LRRFIP1: variants seen among roughly 807,000 people sequenced by gnomAD.
The protein encoded by LRRFIP1 is LRR binding FLII interacting protein 1.
In LRRFIP1, 62 loss-of-function variants were observed where a neutral mutation model predicts 104.4. That is an observed-to-expected ratio of 0.59 (90% CI 0.48 to 0.73). LRRFIP1 has a LOEUF of 0.73. Among genes scored for constraint, LRRFIP1 ranks in the 30% least tolerant of loss-of-function variants. The pLI is 0.00. For missense variants in LRRFIP1, 796 were observed against 824.5 expected, an observed-to-expected ratio of 0.97 and a Z score of 0.42; for synonymous variants, 300 against 299.0, an observed-to-expected ratio of 1.00 and a Z score of -0.03.
intron 1 of LRRFIP1, among the ~76,000 whole-genome samples, chr2:237,645,277 G>T (rs1259232835): frequency 6.6e-6 from 1 of 152,154 alleles, no homozygotes; most frequent in African/African-American, 2.4e-5. Flanking sequence ...CAGGTTATTC[G>T]GTGCAACCAG....
At chr2:237,761,128 G>C (rs2059818034) in intron 19 of LRRFIP1, among the ~76,000 whole-genome samples, 1 of 152,178 alleles carries the variant, frequency 6.6e-6, no homozygotes, top group Non-Finnish European at 1.5e-5. Context: ...TTATGGAAAT[G>C]TAGACACCTC....
intron 1 of LRRFIP1, among the ~76,000 whole-genome samples, chr2:237,696,491 G>T (rs1559572219): frequency 6.6e-6 from 1 of 152,222 alleles, no homozygotes; most frequent in Non-Finnish European, 1.5e-5. Context: ...ACACTAAGTA[G>T]TGAAAGTAGC....
At chr2:237,718,918 TATAAG>T (rs1191456622) in intron 4 of LRRFIP1, among the ~76,000 whole-genome samples, 2 of 152,226 alleles carry the variant, frequency 1.3e-5, no homozygotes, top group Non-Finnish European at 2.9e-5. Context: ...GGCATGGTGA[TATAAG>T]AAAGAGAAAA....
Position 237,739,248 on chromosome 2 carries a change from G to A in LRRFIP1, c.572G>A (p.Gly191Asp). The change falls in exon 11 of 24, where the codon GGC becomes GAC. Residue 191 changes from glycine (G) to aspartate (D), a missense_variant. Transcript: ENST00000308482. ...TGTGGGCAGCCCTCGGAGTACAGCGGCCACCTCAACTCCAGCTCCCGCGCC... is the reference window on the plus strand; with the variant it reads ...TGTGGGCAGCCCTCGGAGTACAGCGACCACCTCAACTCCAGCTCCCGCGCC... ...SGSRAPSEYSGHLNSSSRASS... is the reference protein window; with the variant it reads ...SGSRAPSEYSDHLNSSSRASS... 6.4e-7 allele frequency: 1 copy of A among 1,564,080 alleles called. No homozygotes were observed. The highest frequency in any genetic ancestry group is 8.7e-7 in the Non-Finnish European group (1 of 1,154,532).
chr2:237,670,392 A>G (rs1270476577), intron 1 of LRRFIP1, among the ~76,000 whole-genome samples: 1 of 152,140 alleles, frequency 6.6e-6, no homozygotes, highest in East Asian at 1.9e-4. Flanking sequence ...TTTAAGATGG[A>G]GGGGAAAATG....
At chr2:237,752,259 A>G (rs1576258488) in intron 14 of LRRFIP1, among the ~76,000 whole-genome samples, 1 of 152,312 alleles carries the variant, frequency 6.6e-6, no homozygotes, top group Non-Finnish European at 1.5e-5. Context: ...TATAAAAATT[A>G]GCCAGGTGTG....
chr2:237,744,496 C>T (rs771615569), intron 11 of LRRFIP1, among the ~76,000 whole-genome samples: 2 of 152,124 alleles, frequency 1.3e-5, no homozygotes, highest in South Asian at 2.1e-4. Context: ...CACCAGGCAT[C>T]GTGTGTACAG....
rs377669704 is a variant in LRRFIP1, at chr2:237,659,642, TATAA to T, written c.96+31906_96+31909del. ...TGTATATTATATATTTTTATATACA[TATAA>T]ATATATATATTTTAGAGACAGAGTC... is the stretch of plus-strand genomic sequence containing the variant. On this transcript the variant is annotated intron_variant, in intron 1 of 23. Transcript: ENST00000308482. Among the ~76,000 whole-genome samples the T allele has an allele frequency of 3.4e-4, 51 of 148,594 alleles. 1 individual carries two copies. In the East Asian group the frequency reaches 7.0e-3, roughly 20 times the overall value.
At chr2:237,669,772 C>T (rs754863359) in intron 1 of LRRFIP1, among the ~76,000 whole-genome samples, 8 of 152,250 alleles carry the variant, frequency 5.3e-5, no homozygotes, top group Non-Finnish European at 1.0e-4. Context: ...GTAAAAATAA[C>T]GGTGTCATTA....
chr2:237,767,845 G>A (rs55771995), intron 19 of LRRFIP1, among the ~76,000 whole-genome samples: 61 of 152,312 alleles, frequency 4.0e-4, no homozygotes, highest in Non-Finnish European at 6.8e-4. Context: ...TGTTCTAAAC[G>A]TCTGGGCCCC....
chr2:237,760,857 A>G (rs1441182987), intron 19 of LRRFIP1, among the ~76,000 whole-genome samples: 1 of 152,194 alleles, frequency 6.6e-6, no homozygotes, highest in East Asian at 1.9e-4. Context: ...CTGAAAGAAT[A>G]TAAAACTGGG....
chr2:237,738,532 G>A (rs1465638097), intron 10 of LRRFIP1, among the ~76,000 whole-genome samples: 1 of 152,190 alleles, frequency 6.6e-6, no homozygotes, highest in East Asian at 1.9e-4. Context: ...GCCCCACCAT[G>A]CCTTGCTCAG....
intron 18 of LRRFIP1, among the ~76,000 whole-genome samples, chr2:237,759,264 C>T (rs946265956): frequency 1.3e-5 from 2 of 152,092 alleles, no homozygotes; most frequent in Admixed American, 6.6e-5. Flanking sequence ...AGGTGGAAGA[C>T]GGTTCCCTGT....
chr2:237,726,409 C>A (rs539811004), intron 7 of LRRFIP1, among the ~76,000 whole-genome samples: 1 of 152,064 alleles, frequency 6.6e-6, no homozygotes, highest in Non-Finnish European at 1.5e-5. Flanking sequence ...CAGCACCCGT[C>A]CCCCGGATAA....
intron 1 of LRRFIP1, among the ~76,000 whole-genome samples, chr2:237,697,792 C>G (rs1377377715): frequency 6.6e-6 from 1 of 152,188 alleles, no homozygotes; most frequent in Non-Finnish European, 1.5e-5. Flanking sequence ...GGAGAGGAAA[C>G]GGCACAGGGG....
At position 237,661,286 on chromosome 2, in the gene LRRFIP1, A is replaced by G. The variant is rs73091772; in HGVS notation, c.96+33546A>G. On this transcript the variant is annotated intron_variant, in intron 1 of 23. Transcript: ENST00000308482. This position sits in a 1 kb window ranked among gnomAD's most constrained non-coding sequence, Gnocchi z 4.4. The stretch of plus-strand genomic sequence containing the variant: ...GGCTTGGCTTCCCCTGGCTGCTGCT[A>G]ATTCTGGAGGACACAGTGGGGTGGG... Among the ~76,000 whole-genome samples, 3,041 of 152,180 alleles carry G rather than the reference A, an allele frequency of 0.02. 119 individuals are homozygous for G. The highest frequency in any genetic ancestry group is 0.069 in the African/African-American group (2,881 of 41,506).
In LRRFIP1 at chr2:237,760,051, T is replaced by A; in HGVS notation, c.1318-13T>A. ...CTGAGTAAATATTACGATGAGCCTA[T>A]TTTTGTTCCCAGAAACATGGAATAA... On this transcript the variant is annotated splice_polypyrimidine_tract_variant and intron_variant, in intron 18 of 23. Coordinates refer to ENST00000308482, the MANE Select transcript of LRRFIP1 (RefSeq NM_001137550.2). 6.2e-7 allele frequency: 1 copy of A among 1,612,008 alleles called. No individual in the cohort carries two copies. Among genetic ancestry groups the A allele is most frequent in the Non-Finnish European group, 8.5e-7 (1 of 1,178,238 alleles).
At chr2:237,765,460 A>AAAT (rs1491273271) in intron 19 of LRRFIP1, 15 of 773,792 alleles carry the variant, frequency 1.9e-5, no homozygotes, top group South Asian at 6.0e-5. Context: ...AAAAAAAAAA[A>AAAT]GTTTTTGAAC....
chr2:237,726,746 G>A (rs145219731), intron 7 of LRRFIP1, among the ~76,000 whole-genome samples: 16 of 152,096 alleles, frequency 1.1e-4, no homozygotes, highest in African/African-American at 2.4e-4. Flanking sequence ...TTTCTGTCCC[G>A]AGAGCTGGTT....
Sources: gnomAD v4.1 joint callset for allele counts (sites outside exome capture counted in the v4.1 genomes callset) on GRCh38, gnomAD v4.1.1 for gene constraint, Gnocchi (gnomAD v3.1) non-coding constraint, MANE v1.5 for transcripts, NCBI Gene and HGNC (gene_info 2026-07-23, HGNC 2026-07-21) for gene names.